UHRF2: variants seen among roughly 807,000 people sequenced by gnomAD.
UHRF2 encodes the protein ubiquitin like with PHD and ring finger domains 2.
In UHRF2, 23 loss-of-function variants were observed where a neutral mutation model predicts 96.8. That is an observed-to-expected ratio of 0.24 (90% confidence interval 0.17 to 0.34). UHRF2 has a LOEUF of 0.34. UHRF2 is among the 10% of genes least tolerant of loss of function. UHRF2 has a pLI of 1.00. For missense variants in UHRF2, 685 were observed against 981.5 expected, an observed-to-expected ratio of 0.70 and a Z score of 4.04; for synonymous variants, 385 against 332.6, an observed-to-expected ratio of 1.16 and a Z score of -1.72.
At chr9:6,469,679 T>TATATATACAC (rs1219610266) in intron 4 of UHRF2, among the ~76,000 whole-genome samples, 99 of 151,100 alleles carry the variant, frequency 6.6e-4, no homozygotes, top group Admixed American at 2.0e-3. Context: ...TGTGTGTGTA[T>TATATATACAC]GTATATATAT....
intron 2 of UHRF2, among the ~76,000 whole-genome samples, chr9:6,422,329 C>T (rs1462718390): frequency 6.6e-6 from 1 of 152,168 alleles, no homozygotes; most frequent in Admixed American, 6.5e-5. Flanking sequence ...ATCTGCCCTC[C>T]TCGGTCTCCC....
intron 3 of UHRF2, among the ~76,000 whole-genome samples, chr9:6,438,876 A>G (rs1445222968): frequency 6.6e-6 from 1 of 152,236 alleles, no homozygotes; most frequent in East Asian, 1.9e-4. Context: ...GAGCAGAGTT[A>G]AAAACAATCT....
intron 2 of UHRF2, chr9:6,422,617 T>C: frequency 1.6e-6 from 1 of 631,928 alleles, no homozygotes; most frequent in Non-Finnish European, 2.9e-6. Context: ...ACTTAGATCT[T>C]TTCTTTTTTT....
intron 2 of UHRF2, among the ~76,000 whole-genome samples, chr9:6,431,461 A>G (rs1156811076): frequency 6.6e-6 from 1 of 152,134 alleles, no homozygotes; most frequent in African/African-American, 2.4e-5. Context: ...AACATTAGCT[A>G]GGTGTGGTGG....
At chr9:6,431,536 T>C (rs183656890) in intron 2 of UHRF2, among the ~76,000 whole-genome samples, 17 of 152,116 alleles carry the variant, frequency 1.1e-4, no homozygotes, top group African/African-American at 4.1e-4. Context: ...CGGAGAGCTG[T>C]GATCACACCA....
rs577386930 is a variant in UHRF2 at position 6,432,209 on chromosome 9, T to C, written c.385-1705T>C. Among the ~76,000 whole-genome samples the C allele has an allele frequency of 4.5e-4, 69 of 152,344 alleles. No individual in the cohort carries two copies. The South Asian group carries it at 0.014, about 32-fold the overall frequency. ...TTATTTTTTCCTAAACTGTTCATTC[T>C]TGTGTAATATTAAACTTTATGTCTT... On this transcript the variant is annotated intron_variant, in intron 2 of 15. Transcript: ENST00000276893.
At chr9:6,444,783 A>T (rs767202356) in intron 3 of UHRF2, among the ~76,000 whole-genome samples, 1 of 151,992 alleles carries the variant, frequency 6.6e-6, no homozygotes, top group Non-Finnish European at 1.5e-5. Flanking sequence ...TTGTATTTTT[A>T]GTAGAGACAG....
chr9:6,430,628 C>T (rs1820512245), intron 2 of UHRF2, among the ~76,000 whole-genome samples: 1 of 152,010 alleles, frequency 6.6e-6, no homozygotes. Context: ...TCTTAAACAC[C>T]AAGCCAATAT....
At chr9:6,444,682 A>C (rs765527513) in intron 3 of UHRF2, among the ~76,000 whole-genome samples, 2 of 150,772 alleles carry the variant, frequency 1.3e-5, no homozygotes, top group African/African-American at 4.9e-5. Flanking sequence ...GCTCACTGCA[A>C]CCTCCCCCTC....
chr9:6,419,107 A>G (rs866015742), intron 1 of UHRF2, among the ~76,000 whole-genome samples: 1 of 152,086 alleles, frequency 6.6e-6, no homozygotes, highest in Non-Finnish European at 1.5e-5. Context: ...CTCTCTAAAG[A>G]CCCTATCTCA....
At chr9:6,478,108 G>C (rs2130900267) in intron 6 of UHRF2, among the ~76,000 whole-genome samples, 1 of 152,254 alleles carries the variant, frequency 6.6e-6, no homozygotes, top group South Asian at 2.1e-4. Context: ...CCTTACAGGA[G>C]GACCCTGTGT....
intron 3 of UHRF2, among the ~76,000 whole-genome samples, chr9:6,460,156 AG>A (rs1822442967): frequency 6.6e-6 from 1 of 152,254 alleles, no homozygotes; most frequent in Non-Finnish European, 1.5e-5. Context: ...ACAAATATTC[AG>A]TCTCCCATTG....
chr9:6,430,580 T>C (rs1472840362), intron 2 of UHRF2, among the ~76,000 whole-genome samples: 5 of 152,026 alleles, frequency 3.3e-5, no homozygotes, highest in African/African-American at 1.2e-4. Flanking sequence ...AAACATGTAA[T>C]CCCGAGTCCA....
At chr9:6,449,516 A>G (rs948232673) in intron 3 of UHRF2, 10 of 152,302 alleles carry the variant, frequency 6.6e-5, no homozygotes, top group African/African-American at 2.4e-4. Context: ...TTCCCAGAGT[A>G]TCCAACGGAC....
chr9:6,423,726 A>G (rs1474743643), intron 2 of UHRF2, among the ~76,000 whole-genome samples: 1 of 151,394 alleles, frequency 6.6e-6, no homozygotes, highest in Non-Finnish European at 1.5e-5. Flanking sequence ...CGGGTGGATC[A>G]TGAGGTCAGG....
intron 2 of UHRF2, among the ~76,000 whole-genome samples, chr9:6,424,014 A>AC (rs35344155): frequency 0.96 from 146,039 of 152,224 alleles, 70,079 homozygotes; most frequent in East Asian, 0.99. Flanking sequence ...AATATTTTAA[A>AC]CACATTCTAT....
Position 6,500,578 on chromosome 9 carries a change from T to G in UHRF2, c.2032T>G (p.Tyr678Asp). ...TGACTGTCCAAGTGCCTCCAAAGTG[T>G]ACAAAGCATCAGATTCAGCAGAAGC... ...DDDCPSASKV[Y>D]KASDSAEAIE... The change falls in exon 14 of 16, where the codon TAC becomes GAC. Residue 678 changes from tyrosine (Y) to aspartate (D), a missense_variant. Coordinates refer to ENST00000276893, the MANE Select transcript of UHRF2 (RefSeq NM_152896.3). The G allele has an allele frequency of 6.2e-7, 1 of 1,613,074 alleles. No homozygotes were observed. Among genetic ancestry groups the G allele is most frequent in the Non-Finnish European group, 8.5e-7 (1 of 1,179,928 alleles).
At chr9:6,468,513 T>C (rs1305190631) in intron 4 of UHRF2, 1 of 456,094 alleles carries the variant, frequency 2.2e-6, no homozygotes, top group East Asian at 6.9e-5. Context: ...GCTTTGTAGT[T>C]GTGTTTTGCC....
intron 4 of UHRF2, among the ~76,000 whole-genome samples, chr9:6,463,454 T>A (rs1272675548): frequency 6.6e-6 from 1 of 151,976 alleles, no homozygotes; most frequent in East Asian, 1.9e-4. Flanking sequence ...AAGGAACCAG[T>A]GTGGCTTATG....
Sources: gnomAD v4.1 joint callset for allele counts (sites outside exome capture counted in the v4.1 genomes callset) on GRCh38, gnomAD v4.1.1 for gene constraint, MANE v1.5 for transcripts, NCBI Gene and HGNC (gene_info 2026-07-23, HGNC 2026-07-21) for gene names.